Variants in RBM43 observed in about 807,000 individuals in gnomAD.
The protein encoded by RBM43 is RNA binding motif protein 43.
A neutral mutation model predicts 12.4 loss-of-function variants in RBM43; 12 were observed. That is an observed-to-expected ratio of 0.97 (90% confidence interval 0.62 to 1.57). The LOEUF is 1.57. RBM43 is among the 40% of genes most tolerant of loss of function. RBM43 has a pLI of 0.00. For missense variants in RBM43, 348 were observed against 400.1 expected, an observed-to-expected ratio of 0.87 and a Z score of 1.11; for synonymous variants, 138 against 145.7, an observed-to-expected ratio of 0.95 and a Z score of 0.38.
rs573212867 is a variant in RBM43, at chr2:151,255,450, C to T, written c.214+83G>A. 2.6e-4 allele frequency: 252 copies of T among 982,366 alleles called. 1 individual carries two copies. The East Asian group carries it at 3.0e-3, about 12-fold the overall frequency. The allele number at this position is 982,366 out of a possible 1,614,324, so 60.9% of individuals were successfully genotyped here. On this transcript the variant is annotated intron_variant, in intron 2 of 3. Transcript: ENST00000331426. Reference sequence around the variant, plus strand: ...AAACTACTTTAAAATTTACCAATTCCGTGGATCATTTTAATAAAATGTAAT... The same window carrying T: ...AAACTACTTTAAAATTTACCAATTCTGTGGATCATTTTAATAAAATGTAAT...
At chr2:151,260,552 C>T (rs1172223399) in intron 1 of RBM43, among the ~76,000 whole-genome samples, 1 of 152,122 alleles carries the variant, frequency 6.6e-6, no homozygotes, top group East Asian at 1.9e-4. Context: ...AGAAACTTCT[C>T]CCTGAACCAG....
At chr2:151,260,107 G>GCC (rs767159705) in intron 1 of RBM43, among the ~76,000 whole-genome samples, 2 of 149,322 alleles carry the variant, frequency 1.3e-5, no homozygotes, top group East Asian at 2.0e-4. Context: ...CTCGTGATCC[G>GCC]CTCCCCCCTC....
At chr2:151,255,837 T>C in intron 1 of RBM43, 94 bp from the exon 2 acceptor site, 1 of 940,436 alleles carries the variant, frequency 1.1e-6, no homozygotes. Flanking sequence ...TCTTATTCTA[T>C]AAAAGTGCCG....
At chr2:151,256,520 A>C (rs976561301) in intron 1 of RBM43, among the ~76,000 whole-genome samples, 22 of 152,132 alleles carry the variant, frequency 1.4e-4, no homozygotes, top group African/African-American at 5.1e-4. Flanking sequence ...AAGTTACCAT[A>C]AAAAAATAAA....
chr2:151,255,577 G>T lies in RBM43; in HGVS notation c.170C>A (p.Thr57Lys). 6.2e-7 allele frequency: 1 copy of T among 1,613,116 alleles called. No individual in the cohort carries two copies. Among genetic ancestry groups the T allele is most frequent in the Non-Finnish European group, 8.5e-7 (1 of 1,179,658 alleles). ...GGDVEDVIYP[T>K]RTKGVAYVIF... ...TACATATGCAACTCCCTTGGTTCTT[G>T]TCGGATATATCACATCTTCAACATC... is the stretch of plus-strand genomic sequence containing the variant. The change falls in exon 2 of 4, where the codon ACA (threonine) becomes AAA (lysine). Residue 57 changes from threonine to lysine, a missense_variant. Physicochemically the swap from Thr to Lys is moderately conservative, Grantham distance 78. Coordinates refer to ENST00000331426, the MANE Select transcript of RBM43 (RefSeq NM_198557.3).
chr2:151,257,290 A>G (rs1335613316), intron 1 of RBM43, among the ~76,000 whole-genome samples: 1 of 150,626 alleles, frequency 6.6e-6, no homozygotes, highest in Non-Finnish European at 1.5e-5. Flanking sequence ...AAGACAGTGT[A>G]AGAGCACGCA....
intron 1 of RBM43, among the ~76,000 whole-genome samples, chr2:151,259,594 G>T (rs562262210): frequency 6.6e-6 from 1 of 151,798 alleles, no homozygotes; most frequent in Admixed American, 6.6e-5. Flanking sequence ...AGCCAAGATC[G>T]CACCACTGCA....
intron 2 of RBM43, 41 bp from the exon 3 acceptor site, chr2:151,252,896 T>C (rs1457794591): frequency 2.2e-6 from 2 of 910,212 alleles, no homozygotes; most frequent in South Asian, 3.2e-5. Context: ...TATGGCATGA[T>C]ACACTAATAA....
intron 3 of RBM43, among the ~76,000 whole-genome samples, 186 bp from the exon 4 acceptor site, chr2:151,251,850 T>C (rs1296116958): frequency 6.6e-6 from 1 of 152,216 alleles, no homozygotes; most frequent in Non-Finnish European, 1.5e-5. Flanking sequence ...TTTGTTCAAT[T>C]TGGGATTCAC....
rs1344621303 is a variant in RBM43 at position 151,249,108 on chromosome 2, G to C, written c.*1798C>G. ...AGAAAGGATTACCTGTGAAAGTGGT[G>C]GGGGTGTAGGGGGTTCAAAGGGCCC... On this transcript the variant is annotated 3_prime_UTR_variant, in exon 4 of 4. Coordinates refer to ENST00000331426, the MANE Select transcript of RBM43 (RefSeq NM_198557.3). 6.6e-6 allele frequency: 1 copy of C among 152,144 alleles called. No homozygotes were observed. The highest frequency in any genetic ancestry group is 2.4e-5 in the African/African-American group (1 of 41,412). The allele number at this position is 152,144 out of a possible 1,614,324, so 9.4% of individuals were successfully genotyped here. A position where few individuals can be genotyped will look rare whatever the true frequency, so the allele number is the denominator to read the frequency against.
intron 1 of RBM43, among the ~76,000 whole-genome samples, chr2:151,260,828 C>G (rs958779568): frequency 5.3e-5 from 8 of 152,166 alleles, no homozygotes; most frequent in Non-Finnish European, 8.8e-5. Flanking sequence ...AAACGAGCAG[C>G]TTTTAGCCAA....
rs931072213 is a variant in RBM43 at position 151,251,319 on chromosome 2, C to T, written c.661G>A (p.Val221Met). The T allele has an allele frequency of 2.5e-6, 4 of 1,613,946 alleles. No individual in the cohort carries two copies. The highest frequency in any genetic ancestry group is 3.4e-6 in the Non-Finnish European group (4 of 1,179,982). Residue 221 changes from valine to methionine, a missense_variant, in exon 4 of 4, where the codon GTG (valine) becomes ATG (methionine). Val to Met is a conservative substitution (Grantham distance 21). Coordinates refer to ENST00000331426, the MANE Select transcript of RBM43 (RefSeq NM_198557.3). ...TAAAGAAAAACATCTGTGTCAAGCA[C>T]AAGCATTTCTCCACTTCTAGCAGTC... ...PETARSGEML[V>M]LDTDVFLYLK...
In RBM43 at chr2:151,248,339, A is replaced by G. The variant is rs1387082840; in HGVS notation, c.*2567T>C. 1 of 147,726 alleles carries G rather than the reference A, an allele frequency of 6.8e-6. No individual in the cohort carries two copies. Among genetic ancestry groups the G allele is most frequent in the Non-Finnish European group, 1.5e-5 (1 of 66,126 alleles). The allele number at this position is 147,726 out of a possible 1,614,324, so 9.2% of individuals were successfully genotyped here. On this transcript the variant is annotated 3_prime_UTR_variant, in exon 4 of 4. Coordinates refer to ENST00000331426, the MANE Select transcript of RBM43 (RefSeq NM_198557.3). ...ACATGGGAATTTAATCTTTGCTTTA[A>G]AAAAAAAACAGTAGGAAGGTCAAAA...
rs546313181 is a variant in RBM43, at chr2:151,249,992, A to T, written c.*914T>A. On this transcript the variant is annotated 3_prime_UTR_variant, in exon 4 of 4. Transcript: ENST00000331426. ...TTATCAACTTGCACAATTATAAAAGAATCACCATTTTATGTAAGCACTTAG... is the reference window on the plus strand; with the variant it reads ...TTATCAACTTGCACAATTATAAAAGTATCACCATTTTATGTAAGCACTTAG... The T allele has an allele frequency of 1.3e-5, 2 of 152,332 alleles. No individual in the cohort carries two copies. The highest frequency in any genetic ancestry group is 1.3e-4 in the Admixed American group (2 of 15,292). 9.4% of individuals were successfully genotyped at this position (152,332 alleles called of 1,614,324 possible). A position where few individuals can be genotyped will look rare whatever the true frequency, so the allele number is the denominator to read the frequency against.
intron 3 of RBM43, 73 bp from the exon 4 acceptor site, chr2:151,251,737 C>T: frequency 1.4e-6 from 2 of 1,433,130 alleles, no homozygotes; most frequent in Non-Finnish European, 1.9e-6. Flanking sequence ...TTCTTTTCTG[C>T]CACTTTCTTT....
chr2:151,255,324 A>G (rs1322478358), intron 2 of RBM43, among the ~76,000 whole-genome samples: 1 of 151,928 alleles, frequency 6.6e-6, no homozygotes, highest in East Asian at 1.9e-4. Flanking sequence ...AGGCTGAGGC[A>G]GGAGAATCAC....
chr2:151,261,357 C>T lies in RBM43; in HGVS notation c.3+368G>A, dbSNP rs1438858998. On this transcript the variant is annotated intron_variant, in intron 1 of 3. Transcript: ENST00000331426. ...GAGGCGTGGGAGGACAACAGTTAAG[C>T]CCTAACAGCCTGCGAAGCAGCTCCT... is the stretch of plus-strand genomic sequence containing the variant. The T allele has an allele frequency of 3.2e-6, 5 of 1,550,638 alleles. No individual in the cohort carries two copies. In the East Asian group the frequency reaches 9.8e-5, roughly 30 times the overall value.
chr2:151,257,595 A>G (rs1367634157), intron 1 of RBM43, among the ~76,000 whole-genome samples: 2 of 152,198 alleles, frequency 1.3e-5, no homozygotes, highest in South Asian at 2.1e-4. Context: ...CTGGAGGCTG[A>G]GGCAGGAGAA....
chr2:151,261,529 G>A (rs1299374420), intron 1 of RBM43, 196 bp downstream of exon 1: 60 of 1,547,456 alleles, frequency 3.9e-5, no homozygotes, highest in Non-Finnish European at 4.5e-5. Flanking sequence ...GTGCAGCGAG[G>A]CTGACCTGAG....
Sources: gnomAD v4.1 joint callset for allele counts (sites outside exome capture counted in the v4.1 genomes callset) on GRCh38, gnomAD v4.1.1 for gene constraint, MANE v1.5 for transcripts, NCBI Gene and HGNC (gene_info 2026-07-23, HGNC 2026-07-21) for gene names.